Variants in MS4A4A observed in about 807,000 individuals in gnomAD.
MS4A4A encodes the protein membrane spanning 4-domains A4A.
MS4A4A carries 26 observed loss-of-function variants against 28.0 expected under a neutral mutation model. The observed-to-expected ratio is 0.93, with a 90% CI of 0.68 to 1.29. The LOEUF (loss-of-function observed/expected upper bound fraction) is 1.29. MS4A4A is among the 50% of genes most tolerant of loss of function. MS4A4A has a pLI of 0.00. For missense variants in MS4A4A, 290 were observed against 293.1 expected (o/e 0.99, Z 0.08); for synonymous variants, 86 against 100.8 (o/e 0.85, Z 0.88).
At chr11:60,282,121 T>C in intron 1 of MS4A4A, among the ~76,000 whole-genome samples, 1 of 152,196 alleles carries the variant, frequency 6.6e-6, no homozygotes, top group Non-Finnish European at 1.5e-5. Context: ...ACCTGACCTA[T>C]GTTACCAAAG....
chr11:60,304,680 G>A (rs925346949), intron 5 of MS4A4A, among the ~76,000 whole-genome samples: 4 of 152,284 alleles, frequency 2.6e-5, no homozygotes, highest in African/African-American at 9.6e-5. Flanking sequence ...ATACAACGAA[G>A]CCCATTTGTT....
intron 6 of MS4A4A, among the ~76,000 whole-genome samples, chr11:60,307,095 T>G (rs1369999087): frequency 6.6e-6 from 1 of 152,164 alleles, no homozygotes; most frequent in African/African-American, 2.4e-5. Context: ...AGGAAATGGA[T>G]AGTAAAACCC....
chr11:60,283,329 A>G (rs142191936), intron 1 of MS4A4A, among the ~76,000 whole-genome samples: 2 of 152,306 alleles, frequency 1.3e-5, no homozygotes, highest in East Asian at 3.9e-4. Flanking sequence ...GGCCTCCTAT[A>G]CTGCTGGGAT....
intron 3 of MS4A4A, among the ~76,000 whole-genome samples, chr11:60,300,369 C>T (rs1177281871): frequency 6.6e-6 from 1 of 152,044 alleles, no homozygotes; most frequent in African/African-American, 2.4e-5. Flanking sequence ...GTAATCCCAG[C>T]ACTTTGGGAG....
chr11:60,294,121 G>A (rs2084881417), intron 2 of MS4A4A, among the ~76,000 whole-genome samples: 1 of 152,186 alleles, frequency 6.6e-6, no homozygotes, highest in Non-Finnish European at 1.5e-5. Flanking sequence ...CCAGCAATTG[G>A]TAGTGCCAGT....
At chr11:60,290,133 C>A (rs1256679019) in intron 1 of MS4A4A, 2 of 438,428 alleles carry the variant, frequency 4.6e-6, no homozygotes, top group Non-Finnish European at 9.3e-6. Context: ...AAATATGTGT[C>A]TTTTTGGTGA....
intron 6 of MS4A4A, 21 bp from the exon 7 acceptor site, chr11:60,308,086 G>C (rs1464659748): frequency 1.2e-6 from 2 of 1,612,946 alleles, no homozygotes; most frequent in African/African-American, 1.3e-5. Flanking sequence ...ACTCACCTTT[G>C]GCATTCTGAT....
intron 1 of MS4A4A, among the ~76,000 whole-genome samples, chr11:60,281,910 C>T (rs1420790072): frequency 6.6e-6 from 1 of 152,010 alleles, no homozygotes; most frequent in Non-Finnish European, 1.5e-5. Context: ...TCATATGCAT[C>T]CAATATTCTC....
At chr11:60,299,334 A>T in intron 3 of MS4A4A, among the ~76,000 whole-genome samples, 1 of 152,150 alleles carries the variant, frequency 6.6e-6, no homozygotes, top group Non-Finnish European at 1.5e-5. Context: ...CATAATAGTC[A>T]GCATCTTTAT....
chr11:60,297,432 A>G, intron 3 of MS4A4A, 107 bp downstream of exon 3: 1 of 1,299,996 alleles, frequency 7.7e-7, no homozygotes, highest in Non-Finnish European at 1.1e-6. Flanking sequence ...TGTAAATCTG[A>G]GAGTGGTATC....
chr11:60,292,328 C>T lies in MS4A4A; in HGVS notation c.145C>T (p.His49Tyr). 2 of 1,610,480 alleles carry T rather than the reference C, an allele frequency of 1.2e-6. No homozygotes were observed. Among genetic ancestry groups the T allele is most frequent in the South Asian group, 1.1e-5 (1 of 90,460 alleles). The part of the protein sequence containing the change: ...QLGNMAVIHS[H>Y]LWKGLQEKFL... ...GGGAAACATGGCTGTCATACATTCA[C>T]ATCTGTGGAAAGGATTGCAAGAGAA... Residue 49 changes from histidine (H) to tyrosine (Y), a missense_variant, in exon 2 of 7, where the codon CAT becomes TAT. Coordinates refer to ENST00000337908, the MANE Select transcript of MS4A4A (RefSeq NM_148975.3).
chr11:60,304,415 C>G (rs1206360257), intron 5 of MS4A4A, among the ~76,000 whole-genome samples: 8 of 152,226 alleles, frequency 5.3e-5, no homozygotes, highest in Non-Finnish European at 1.0e-4. Context: ...AATTACATAG[C>G]TGGTCCTCCA....
chr11:60,303,178 A>G (rs1455669371), intron 5 of MS4A4A, among the ~76,000 whole-genome samples: 4 of 152,198 alleles, frequency 2.6e-5, no homozygotes, highest in African/African-American at 9.6e-5. Context: ...AACCACTTTT[A>G]TCCTCAACAT....
chr11:60,301,013 G>T lies in MS4A4A; in HGVS notation c.343G>T (p.Gly115Ter). 1 of 1,604,060 alleles carries T rather than the reference G, an allele frequency of 6.2e-7. No individual in the cohort carries two copies. The highest frequency in any genetic ancestry group is 1.1e-5 in the South Asian group (1 of 89,030). Reference protein sequence around the residue: ...IWGSVMFIISGSLSIAAGIRT... With the variant: ...IWGSVMFIIS The stretch of plus-strand genomic sequence containing the variant: ...CTCTCATTTTTAGTTTATTATTTCA[G>T]GATCCTTGTCAATTGCAGCAGGAAT... The change falls in exon 4 of 7, where the codon GGA becomes TGA. Residue 115 changes from glycine (G) to a stop codon, truncating the protein, a stop_gained. Coordinates refer to ENST00000337908, the MANE Select transcript of MS4A4A (RefSeq NM_148975.3). LOFTEE classifies it high-confidence loss of function.
chr11:60,281,256 C>T (rs1396125496), intron 1 of MS4A4A, among the ~76,000 whole-genome samples: 1 of 152,114 alleles, frequency 6.6e-6, no homozygotes, highest in Non-Finnish European at 1.5e-5. Context: ...ATTCATGGGG[C>T]ACCCAGGCAG....
intron 3 of MS4A4A, among the ~76,000 whole-genome samples, chr11:60,298,902 A>G (rs1302186385): frequency 1.3e-5 from 2 of 152,164 alleles, no homozygotes; most frequent in African/African-American, 4.8e-5. Context: ...AACCTCTTCT[A>G]TGAAGTGCCT....
At chr11:60,294,889 A>ACTTCTTCTTCTTCTTCTTCTTCTT (rs1238058277) in intron 2 of MS4A4A, among the ~76,000 whole-genome samples, 6 of 29,970 alleles carry the variant, frequency 2.0e-4, no homozygotes, top group East Asian at 1.1e-3. Flanking sequence ...TCCTACAACT[A>ACTTCTTCTTCTTCTTCTTCTTCTT]CTACTTCTTC....
At chr11:60,303,016 G>C (rs1435381466) in intron 5 of MS4A4A, among the ~76,000 whole-genome samples, 2 of 152,090 alleles carry the variant, frequency 1.3e-5, no homozygotes, top group East Asian at 3.9e-4. Context: ...TTAAAACATT[G>C]ATGCAGTACG....
intron 5 of MS4A4A, among the ~76,000 whole-genome samples, chr11:60,305,518 C>G (rs1419045120): frequency 6.6e-6 from 1 of 152,254 alleles, no homozygotes; most frequent in East Asian, 1.9e-4. Flanking sequence ...TCAAATCTCT[C>G]TTGAACTCTA....
Sources: allele counts gnomAD v4.1 joint callset (sites outside exome capture counted in the v4.1 genomes callset), GRCh38; gene constraint gnomAD v4.1.1; transcripts MANE v1.5; gene names NCBI Gene and HGNC (gene_info 2026-07-23, HGNC 2026-07-21).